The following TMEM80 variants were observed in gnomAD, a reference collection of about 807,000 sequenced individuals.
TMEM80 encodes transmembrane protein 80.
TMEM80 carries 16 observed loss-of-function variants against 13.6 expected under a neutral mutation model. The ratio of observed to expected loss-of-function variants is 1.17; its 90% CI spans 0.79 to 1.78. TMEM80 has a LOEUF of 1.78. TMEM80 is among the 40% of genes most tolerant of loss of function. The pLI, the probability that TMEM80 is intolerant of heterozygous loss-of-function variation, is 0.00. For missense variants in TMEM80, 167 were observed against 184.6 expected (o/e 0.90, Z 0.55); for synonymous variants, 92 against 89.5 (o/e 1.03, Z -0.16).
rs1590040641 is a variant in TMEM80, at chr11:703,885, C to T, written c.*735C>T. 1.6e-6 allele frequency: 2 copies of T among 1,240,190 alleles called. No homozygotes were observed. The highest frequency in any genetic ancestry group is 6.3e-5 in the East Asian group (2 of 31,816). 76.8% of individuals were successfully genotyped at this position (1,240,190 alleles called of 1,614,324 possible). On this transcript the variant is annotated 3_prime_UTR_variant, in exon 5 of 5. Coordinates refer to ENST00000397510, the MANE Select transcript of TMEM80 (RefSeq NM_001042463.3). ...GGAGGGCCACATTCGGAGCCTCCGT[C>T]CACTCCAGTTTTATCAGCTTTTGCC...
At position 703,154 on chromosome 11, in the gene TMEM80, C is replaced by G. The variant is rs759752578; in HGVS notation, c.*4C>G. ...CATCGCGGCCTTCACCAGGTAGCTA[C>G]GGACACCCGGGATACCCCACACTGG... On this transcript the variant is annotated 3_prime_UTR_variant, in exon 5 of 5. Coordinates refer to ENST00000397510, the MANE Select transcript of TMEM80 (RefSeq NM_001042463.3). The G allele has an allele frequency of 6.2e-7, 1 of 1,600,212 alleles. No individual in the cohort carries two copies. The highest frequency in any genetic ancestry group is 2.2e-5 in the East Asian group (1 of 44,452).
Position 703,305 on chromosome 11 carries a change from G to T in TMEM80, c.*155G>T. The stretch of plus-strand genomic sequence containing the variant: ...GGTTCCATCTGTTCTGGCAGGAGTG[G>T]GAGCAGGAGCCAGGGCAGAACAAAC... On this transcript the variant is annotated 3_prime_UTR_variant, in exon 5 of 5. Coordinates refer to ENST00000397510, the MANE Select transcript of TMEM80 (RefSeq NM_001042463.3). The T allele has an allele frequency of 4.9e-6, 7 of 1,424,226 alleles. No individual in the cohort carries two copies. Among genetic ancestry groups the T allele is most frequent in the Non-Finnish European group, 6.4e-6 (7 of 1,086,498 alleles). The allele number at this position is 1,424,226 out of a possible 1,614,324, so 88.2% of individuals were successfully genotyped here. A position where few individuals can be genotyped will look rare whatever the true frequency, so the allele number is the denominator to read the frequency against.
rs760740395 is a variant in TMEM80 at position 700,676 on chromosome 11, G to C, written c.195G>C (p.Met65Ile). The change falls in exon 4 of 5, where the codon ATG becomes ATC. Residue 65 changes from methionine (M) to isoleucine (I), a missense_variant. By Grantham distance (10) the Met-to-Ile change is conservative (BLOSUM62 1). Transcript: ENST00000397510. ...LVLDLALLFL[M>I]GILEAVRLYL... is the part of the protein sequence containing the mutation. ...TCGATCTTGCTCTGCTGTTTCTGAT[G>C]GGGATTCTAGAAGCAGTTCGGTTAT... 2 of 1,613,998 alleles carry C rather than the reference G, an allele frequency of 1.2e-6. No homozygotes were observed. The highest frequency in any genetic ancestry group is 1.7e-6 in the Non-Finnish European group (2 of 1,180,028).
intron 4 of TMEM80, among the ~76,000 whole-genome samples, chr11:702,551 G>T (rs891605754): frequency 6.6e-6 from 1 of 152,244 alleles, no homozygotes; most frequent in Non-Finnish European, 1.5e-5. Context: ...TCCAGAACTG[G>T]CCTTGGACCA....
intron 4 of TMEM80, chr11:700,974 C>A: frequency 2.3e-6 from 1 of 439,576 alleles, no homozygotes; most frequent in East Asian, 3.6e-5. Context: ...GGTAATGGCA[C>A]TGAGATCAGA....
rs1861111791 is a variant in TMEM80, at chr11:695,831, G to A, written c.4G>A (p.Ala2Thr). The A allele has an allele frequency of 6.5e-6, 8 of 1,230,488 alleles. No homozygotes were observed. In the South Asian group the frequency reaches 3.2e-4, roughly 49 times the overall value. The allele number at this position is 1,230,488 out of a possible 1,614,324, so 76.2% of individuals were successfully genotyped here. Reference protein sequence around the residue: MAAPRRGRGSST... With the variant: MTAPRRGRGSST... ...ACCGGCGGGCGGGGCGGGTAAGATGGCGGCCCCGCGGCGAGGTGAGCTCGG... is the reference window on the plus strand; with the variant it reads ...ACCGGCGGGCGGGGCGGGTAAGATGACGGCCCCGCGGCGAGGTGAGCTCGG... Residue 2 changes from alanine (A) to threonine (T), a missense_variant, in exon 1 of 5, where the codon GCG becomes ACG. Transcript: ENST00000397510.
chr11:700,639 G>A lies in TMEM80; in HGVS notation c.158G>A (p.Arg53His), dbSNP rs547402747. The A allele has an allele frequency of 2.5e-5, 40 of 1,614,020 alleles. No individual in the cohort carries two copies. The African/African-American group carries it at 3.2e-4, about 13-fold the overall frequency. ...GGTCAGGTGTTCAGCTATCCTCACCGCTACCTGGTCCTCGATCTTGCTCTG... is the reference window on the plus strand; with the variant it reads ...GGTCAGGTGTTCAGCTATCCTCACCACTACCTGGTCCTCGATCTTGCTCTG... ...YKSQVFSYPH[R>H]YLVLDLALLF... Residue 53 changes from arginine (R) to histidine (H), a missense_variant, in exon 4 of 5, where the codon CGC becomes CAC. Coordinates refer to ENST00000397510, the MANE Select transcript of TMEM80 (RefSeq NM_001042463.3).
intron 1 of TMEM80, 106 bp from the exon 2 acceptor site, chr11:698,763 G>T: frequency 7.4e-7 from 1 of 1,352,140 alleles, no homozygotes; most frequent in South Asian, 1.2e-5. Context: ...ACAAATACGA[G>T]ATCAAAGGAA....
chr11:701,030 G>C (rs888125792), intron 4 of TMEM80: 1 of 411,430 alleles, frequency 2.4e-6, no homozygotes, highest in Non-Finnish European at 4.5e-6. Flanking sequence ...ATATTCACCA[G>C]CACCCCTTTC....
In TMEM80 at chr11:702,926, C is replaced by CT. The variant is rs755810891; in HGVS notation, c.227-19_227-18insT. On this transcript the variant is annotated intron_variant, in intron 4 of 4. Transcript: ENST00000397510. ...GAGCGCCTCGCACCACCTTCCCTCC[C>CT]CTTTGCTCTGTTCTCCAGGCACCAG... 3 of 1,596,048 alleles carry CT rather than the reference C, an allele frequency of 1.9e-6. No homozygotes were observed. Among genetic ancestry groups the CT allele is most frequent in the Non-Finnish European group, 2.6e-6 (3 of 1,169,286 alleles).
chr11:703,387 T>C lies in TMEM80; in HGVS notation c.*237T>C, dbSNP rs2133478594. On this transcript the variant is annotated 3_prime_UTR_variant, in exon 5 of 5. Transcript: ENST00000397510. Reference sequence around the variant, plus strand: ...GGGGAGGGTAGGGACCAGACAGAACTGCCTTCAAGATGAGTCCCAGGAGCG... The same window carrying C: ...GGGGAGGGTAGGGACCAGACAGAACCGCCTTCAAGATGAGTCCCAGGAGCG... The C allele has an allele frequency of 2.2e-6, 3 of 1,368,252 alleles. No homozygotes were observed. The highest frequency in any genetic ancestry group is 2.8e-6 in the Non-Finnish European group (3 of 1,065,936). The allele number at this position is 1,368,252 out of a possible 1,614,324, so 84.8% of individuals were successfully genotyped here.
At chr11:697,699 G>T (rs1435846352) in intron 1 of TMEM80, 3 of 152,238 alleles carry the variant, frequency 2.0e-5, no homozygotes. Context: ...CAGGTATTTA[G>T]GTGGCCTGGT....
chr11:700,085 C>T, intron 2 of TMEM80, 57 bp from the exon 3 acceptor site: 1 of 1,477,686 alleles, frequency 6.8e-7, no homozygotes, highest in East Asian at 2.3e-5. Flanking sequence ...CTTGTTCAGC[C>T]ACCTGGGAGG....
In TMEM80 at chr11:704,015, C is replaced by T. The variant is rs536862330; in HGVS notation, c.*865C>T. 3.1e-5 allele frequency: 37 copies of T among 1,204,952 alleles called. No individual in the cohort carries two copies. The African/African-American group carries it at 4.4e-4, about 14-fold the overall frequency. 74.6% of individuals were successfully genotyped at this position (1,204,952 alleles called of 1,614,324 possible). A position where few individuals can be genotyped will look rare whatever the true frequency, so the allele number is the denominator to read the frequency against. On this transcript the variant is annotated 3_prime_UTR_variant, in exon 5 of 5. Coordinates refer to ENST00000397510, the MANE Select transcript of TMEM80 (RefSeq NM_001042463.3). Reference sequence around the variant, plus strand: ...GTATCTAAGCTGTTACAGTAGCTTTCCCTTCACTTGATTCTATTGTGTGTT... The same window carrying T: ...GTATCTAAGCTGTTACAGTAGCTTTTCCTTCACTTGATTCTATTGTGTGTT...
intron 1 of TMEM80, among the ~76,000 whole-genome samples, chr11:698,304 G>C (rs537715075): frequency 1.3e-5 from 2 of 152,276 alleles, no homozygotes; most frequent in East Asian, 3.9e-4. Flanking sequence ...TCATCTCTCA[G>C]GTGGGGGTGG....
intron 1 of TMEM80, chr11:697,343 G>A (rs1440862732): frequency 1.3e-5 from 2 of 152,312 alleles, no homozygotes; most frequent in African/African-American, 4.8e-5. Flanking sequence ...TCACTTCCAT[G>A]TTTAACTTCT....
chr11:703,675 C>G lies in TMEM80; in HGVS notation c.*525C>G. 1 of 1,232,408 alleles carries G rather than the reference C, an allele frequency of 8.1e-7. No individual in the cohort carries two copies. Among genetic ancestry groups the G allele is most frequent in the Non-Finnish European group, 1.0e-6 (1 of 988,444 alleles). 76.3% of individuals were successfully genotyped at this position (1,232,408 alleles called of 1,614,324 possible). A position where few individuals can be genotyped will look rare whatever the true frequency, so the allele number is the denominator to read the frequency against. ...GGCCTTGTGCTCTGAGCAACCCCAG[C>G]TCTGCCTCACAGGCAGGCAGGCCCG... On this transcript the variant is annotated 3_prime_UTR_variant, in exon 5 of 5. Coordinates refer to ENST00000397510, the MANE Select transcript of TMEM80 (RefSeq NM_001042463.3).
intron 4 of TMEM80, among the ~76,000 whole-genome samples, chr11:701,608 A>C (rs1248877001): frequency 6.6e-6 from 1 of 151,274 alleles, no homozygotes; most frequent in Non-Finnish European, 1.5e-5. Flanking sequence ...ATGGGGTTTC[A>C]CCATGTTAGC....
At position 700,236 on chromosome 11, in the gene TMEM80, G is replaced by A; in HGVS notation, c.133+1G>A. On this transcript the variant is annotated splice_donor_variant, in intron 3 of 4. Transcript: ENST00000397510. LOFTEE classifies it high-confidence loss of function. ...ACGCTCCTGATGATCACGTATAAAA[G>A]TAAGTCAGGGACGGGCACAGTGGCT... 6.2e-7 allele frequency: 1 copy of A among 1,613,090 alleles called. No homozygotes were observed. Among genetic ancestry groups the A allele is most frequent in the African/African-American group, 1.3e-5 (1 of 75,012 alleles).
Sources: gnomAD v4.1 joint callset for allele counts (sites outside exome capture counted in the v4.1 genomes callset) on GRCh38, gnomAD v4.1.1 for gene constraint, MANE v1.5 for transcripts, NCBI Gene and HGNC (gene_info 2026-07-23, HGNC 2026-07-21) for gene names.